Variants in TENM2 observed in about 807,000 individuals in gnomAD.
The protein encoded by TENM2 is teneurin transmembrane protein 2.
Under a neutral mutation model 245.2 loss-of-function variants are expected in TENM2, and 52 were observed. The ratio of observed to expected loss-of-function variants is 0.21; its 90% CI spans 0.17 to 0.27. The LOEUF (loss-of-function observed/expected upper bound fraction) is 0.27. Among genes scored for constraint, TENM2 ranks in the 10% least tolerant of loss-of-function variants. TENM2 has a pLI of 1.00. For missense variants in TENM2, 3,046 were observed against 3,666.8 expected (o/e 0.83, Z 4.37); for synonymous variants, 1,363 against 1,438.9 (o/e 0.95, Z 1.19).
chr5:167,142,734 T>C, the TENM2 span, among the ~76,000 whole-genome samples: 1 of 152,128 alleles, frequency 6.6e-6, no homozygotes, highest in African/African-American at 2.4e-5. Context: ...GTATTTTTAG[T>C]AGAGACGGGG....
the TENM2 span, among the ~76,000 whole-genome samples, chr5:167,239,252 C>A: frequency 6.6e-6 from 1 of 152,156 alleles, no homozygotes; most frequent in African/African-American, 2.4e-5. Flanking sequence ...GTTGATTTGA[C>A]CTTCTGTAGA....
At chr5:168,108,909 C>G (rs1191558667) in intron 9 of TENM2, among the ~76,000 whole-genome samples, 1 of 152,166 alleles carries the variant, frequency 6.6e-6, no homozygotes, top group Non-Finnish European at 1.5e-5. Context: ...AGCTGGTCCT[C>G]CCCGTCACCA....
Position 167,778,724 on chromosome 5 carries a change from C to A in TENM2, c.503-97262C>A, listed in dbSNP as rs533188877. 8.5e-3 allele frequency among the ~76,000 whole-genome samples: 1,292 copies of A among 152,152 alleles called. 22 individuals carry two copies. Among genetic ancestry groups the A allele is most frequent in the African/African-American group, 0.03 (1,226 of 41,492 alleles). On this transcript the variant is annotated intron_variant, in intron 2 of 28. Transcript: ENST00000518659. ...TAGCAGTATAGCACAATTTTTCCTA[C>A]AAAAGGAATTAAAATGATAACTACA...
intron 3 of TENM2, among the ~76,000 whole-genome samples, chr5:167,887,142 C>T (rs1439563497): frequency 6.6e-6 from 1 of 152,220 alleles, no homozygotes; most frequent in East Asian, 1.9e-4. Flanking sequence ...CTAGAACTTC[C>T]CTTTTTCAGA....
the TENM2 span, among the ~76,000 whole-genome samples, chr5:167,034,755 G>A: frequency 9.2e-5 from 14 of 151,442 alleles, no homozygotes; most frequent in East Asian, 2.5e-3. Flanking sequence ...GACAATTTCC[G>A]AGTCTCTTTG....
At chr5:167,180,946 GA>G in the TENM2 span, among the ~76,000 whole-genome samples, 14,981 of 144,312 alleles carry the variant, frequency 0.1, 1,943 homozygotes, top group East Asian at 0.36. Flanking sequence ...AGCTTTTATT[GA>G]AAAAAAAAAC....
At chr5:168,197,149 G>T (rs1455180538) in intron 15 of TENM2, among the ~76,000 whole-genome samples, 1 of 152,172 alleles carries the variant, frequency 6.6e-6, no homozygotes, top group Non-Finnish European at 1.5e-5. Context: ...CCAGCAGTGT[G>T]CATGCCCGAT....
chr5:167,574,374 G>A (rs147484147), intron 2 of TENM2, among the ~76,000 whole-genome samples: 2 of 152,158 alleles, frequency 1.3e-5, no homozygotes, highest in South Asian at 4.2e-4. Flanking sequence ...TTTGAACTCC[G>A]GGACTTAAAC....
chr5:167,750,025 T>A (rs539591062), intron 2 of TENM2, among the ~76,000 whole-genome samples: 1 of 152,132 alleles, frequency 6.6e-6, no homozygotes, highest in South Asian at 2.1e-4. Flanking sequence ...TCAAAAGCAA[T>A]GGAGATGATT....
intron 2 of TENM2, among the ~76,000 whole-genome samples, chr5:167,690,197 T>A (rs999853309): frequency 6.6e-6 from 1 of 151,174 alleles, no homozygotes; most frequent in East Asian, 1.9e-4. Context: ...TATGATCACT[T>A]CCTACATGTC....
chr5:168,242,765 C>T (rs1358891182), intron 25 of TENM2, among the ~76,000 whole-genome samples: 1 of 152,094 alleles, frequency 6.6e-6, no homozygotes, highest in Non-Finnish European at 1.5e-5. Context: ...CCAGCCTGGC[C>T]AACATGGTGA....
Position 167,558,484 on chromosome 5 carries a change from T to A in TENM2, c.502+183011T>A, listed in dbSNP as rs552971148. ...TAGGAACCCGGCTGCATGGCAGGAG[T>A]GGCAGGTGAGTGAGCGAAGCTGAGC... is the stretch of plus-strand genomic sequence containing the variant. On this transcript the variant is annotated intron_variant, in intron 2 of 28. Transcript: ENST00000518659. Among the ~76,000 whole-genome samples the A allele has an allele frequency of 6.6e-5, 10 of 152,100 alleles. No homozygotes were observed. In the East Asian group the frequency reaches 1.4e-3, roughly 21 times the overall value.
At chr5:167,376,350 G>T (rs887023212) in intron 2 of TENM2, among the ~76,000 whole-genome samples, 7 of 152,126 alleles carry the variant, frequency 4.6e-5, no homozygotes, top group Non-Finnish European at 7.4e-5. Context: ...TTTGCTAAAA[G>T]AATTACCATT....
chr5:167,358,908 T>G (rs932846472), intron 1 of TENM2, among the ~76,000 whole-genome samples: 4 of 151,686 alleles, frequency 2.6e-5, no homozygotes, highest in African/African-American at 9.7e-5. Context: ...CTCTTAGTTT[T>G]CAATCCAAAA....
chr5:168,168,718 T>C lies in TENM2; in HGVS notation c.2569+5961T>C, dbSNP rs1758533340. Among the ~76,000 whole-genome samples the C allele has an allele frequency of 2.0e-5, 3 of 152,010 alleles. No individual in the cohort carries two copies. In the South Asian group the frequency reaches 6.2e-4, roughly 32 times the overall value. On this transcript the variant is annotated intron_variant, in intron 13 of 28. Transcript: ENST00000518659. ...AAAAAAAAAGACATGAAGATATCTT[T>C]ATGTTTAGGTCCTTTGTGAATGACT...
intron 1 of TENM2, among the ~76,000 whole-genome samples, chr5:167,365,435 A>G (rs1759989681): frequency 6.6e-6 from 1 of 152,014 alleles, no homozygotes; most frequent in Non-Finnish European, 1.5e-5. Flanking sequence ...TGCAGAAATT[A>G]GGGAAATGGA....
chr5:167,916,486 G>A (rs960389264), intron 3 of TENM2, among the ~76,000 whole-genome samples: 3 of 152,124 alleles, frequency 2.0e-5, no homozygotes, highest in East Asian at 1.9e-4. Context: ...CATCAATCCC[G>A]GGGAGCAACT....
intron 2 of TENM2, among the ~76,000 whole-genome samples, chr5:167,772,854 G>A (rs952939128): frequency 5.8e-4 from 88 of 152,156 alleles, no homozygotes; most frequent in Middle Eastern, 3.4e-3. Flanking sequence ...TATTTTACAC[G>A]GAAGGAGACT....
At chr5:167,803,407 G>T (rs1765923198) in intron 2 of TENM2, among the ~76,000 whole-genome samples, 2 of 152,148 alleles carry the variant, frequency 1.3e-5, no homozygotes, top group African/African-American at 4.8e-5. Flanking sequence ...AACTGAGCCA[G>T]GGAGAAGAGA....
Sources: allele counts gnomAD v4.1 joint callset (sites outside exome capture counted in the v4.1 genomes callset), GRCh38; gene constraint gnomAD v4.1.1; transcripts MANE v1.5; gene names NCBI Gene and HGNC (gene_info 2026-07-23, HGNC 2026-07-21).